RPS6KC1: variants seen among roughly 807,000 people sequenced by gnomAD.
RPS6KC1 encodes ribosomal protein S6 kinase C1, also known as inactive ribosomal protein S6 kinase delta-1.
A neutral mutation model predicts 103.8 loss-of-function variants in RPS6KC1; 54 were observed. The observed-to-expected ratio is 0.52, with a 90% CI of 0.42 to 0.65. RPS6KC1 has a LOEUF of 0.65. RPS6KC1 is among the 30% of genes least tolerant of loss of function. The pLI is 0.00. For missense variants in RPS6KC1, 1,151 were observed against 1,253.8 expected (o/e 0.92, Z 1.24); for synonymous variants, 439 against 438.7 (o/e 1.00, Z -0.01).
the RPS6KC1 span, among the ~76,000 whole-genome samples, chr1:213,707,223 T>A: frequency 6.6e-6 from 1 of 152,208 alleles, no homozygotes; most frequent in Non-Finnish European, 1.5e-5. Flanking sequence ...GTTTCCGGAC[T>A]TTTTAATGAT....
At chr1:213,687,523 C>T in the RPS6KC1 span, among the ~76,000 whole-genome samples, 1 of 152,016 alleles carries the variant, frequency 6.6e-6, no homozygotes, top group African/African-American at 2.4e-5. Flanking sequence ...TTATATTATA[C>T]AATATCATAA....
At chr1:213,290,169 GAATC>G in the RPS6KC1 span, among the ~76,000 whole-genome samples, 77 of 73,998 alleles carry the variant, frequency 1.0e-3, 1 homozygote, top group African/African-American at 3.3e-3. Context: ...AAAAAAAAAA[GAATC>G]AATCGGTCAT....
the RPS6KC1 span, among the ~76,000 whole-genome samples, chr1:213,314,141 C>G: frequency 1.3e-5 from 2 of 152,132 alleles, no homozygotes; most frequent in South Asian, 4.2e-4. Flanking sequence ...CTGCACACTC[C>G]CACCTCTGCC....
At chr1:213,354,261 C>G in the RPS6KC1 span, among the ~76,000 whole-genome samples, 1 of 152,360 alleles carries the variant, frequency 6.6e-6, no homozygotes, top group Non-Finnish European at 1.5e-5. Flanking sequence ...ACCATGAGTG[C>G]TCACTAACCT....
the RPS6KC1 span, among the ~76,000 whole-genome samples, chr1:213,671,492 T>C: frequency 0.07 from 10,713 of 152,146 alleles, 1,131 homozygotes; most frequent in African/African-American, 0.23. Context: ...ATGCATTGAA[T>C]ATTTCAAACA....
the RPS6KC1 span, among the ~76,000 whole-genome samples, chr1:213,857,874 G>A: frequency 2.0e-5 from 3 of 152,222 alleles, no homozygotes; most frequent in South Asian, 6.2e-4. Flanking sequence ...GCTCACCCAG[G>A]GACAGGCCAT....
chr1:213,112,741 A>T (rs143005205), intron 4 of RPS6KC1, among the ~76,000 whole-genome samples: 5,153 of 150,256 alleles, frequency 0.034, 121 homozygotes, highest in Middle Eastern at 0.056. Context: ...CAGTCCCCAG[A>T]GTGTGATGTT....
chr1:213,304,681 T>C, the RPS6KC1 span, among the ~76,000 whole-genome samples: 1 of 152,078 alleles, frequency 6.6e-6, no homozygotes, highest in Non-Finnish European at 1.5e-5. Context: ...TAGCTGGGAT[T>C]ACAGCATGTG....
At chr1:213,500,354 G>A in the RPS6KC1 span, among the ~76,000 whole-genome samples, 16 of 152,216 alleles carry the variant, frequency 1.1e-4, no homozygotes, top group South Asian at 1.9e-3. Context: ...CACTAACGGC[G>A]CGGCCATCTC....
the RPS6KC1 span, among the ~76,000 whole-genome samples, chr1:213,549,168 T>A: frequency 6.6e-6 from 1 of 152,168 alleles, no homozygotes; most frequent in East Asian, 1.9e-4. Context: ...TTTTTATGTC[T>A]GTGGTGCAGT....
At chr1:213,270,956 G>A (rs1384469039) in intron 14 of RPS6KC1, among the ~76,000 whole-genome samples, 3 of 152,152 alleles carry the variant, frequency 2.0e-5, no homozygotes, top group East Asian at 3.8e-4. Context: ...TAGAGAAACC[G>A]AAATCCTCAT....
intron 8 of RPS6KC1, among the ~76,000 whole-genome samples, chr1:213,183,171 A>G (rs1453665358): frequency 6.6e-6 from 1 of 152,142 alleles, no homozygotes; most frequent in East Asian, 1.9e-4. Context: ...TGTAAAATAT[A>G]TGAAGCAAAA....
At chr1:213,599,932 C>G in the RPS6KC1 span, among the ~76,000 whole-genome samples, 4 of 152,238 alleles carry the variant, frequency 2.6e-5, no homozygotes, top group Admixed American at 6.5e-5. Context: ...AATCTCACCT[C>G]GAATTGTAAT....
the RPS6KC1 span, among the ~76,000 whole-genome samples, chr1:213,798,969 A>G: frequency 6.6e-6 from 1 of 152,182 alleles, no homozygotes; most frequent in African/African-American, 2.4e-5. Context: ...GTCCCAGGGC[A>G]TTCTCTGGTC....
At position 213,130,021 on chromosome 1, in the gene RPS6KC1, G is replaced by T. The variant is rs564502062; in HGVS notation, c.835+132G>T. The T allele has an allele frequency of 1.3e-5, 11 of 869,416 alleles. No individual in the cohort carries two copies. In the South Asian group the frequency reaches 1.9e-4, roughly 15 times the overall value. The allele number at this position is 869,416 out of a possible 1,614,324, so 53.9% of individuals were successfully genotyped here. ...AATGAGAAATTACTGAAGCTTAAAAGACCTATATATGGATATATACTTTAA... is the reference window on the plus strand; with the variant it reads ...AATGAGAAATTACTGAAGCTTAAAATACCTATATATGGATATATACTTTAA... On this transcript the variant is annotated intron_variant, in intron 6 of 14. Coordinates refer to ENST00000366960, the MANE Select transcript of RPS6KC1 (RefSeq NM_012424.6).
the RPS6KC1 span, among the ~76,000 whole-genome samples, chr1:213,335,395 G>T: frequency 1.3e-5 from 2 of 152,192 alleles, no homozygotes; most frequent in African/African-American, 4.8e-5. Context: ...CAGGTAGCTG[G>T]TCCGCTATCA....
At chr1:213,645,472 G>A in the RPS6KC1 span, among the ~76,000 whole-genome samples, 1 of 152,088 alleles carries the variant, frequency 6.6e-6, no homozygotes, top group Non-Finnish European at 1.5e-5. Context: ...CGTATGTAAA[G>A]GTGTCCGAGC....
chr1:213,520,332 C>T, the RPS6KC1 span, among the ~76,000 whole-genome samples: 2 of 152,112 alleles, frequency 1.3e-5, no homozygotes, highest in African/African-American at 4.8e-5. Context: ...AAAGGGGAAA[C>T]CCCTTATAAA....
At chr1:213,848,983 C>T in the RPS6KC1 span, among the ~76,000 whole-genome samples, 61 of 152,172 alleles carry the variant, frequency 4.0e-4, no homozygotes, top group Middle Eastern at 3.4e-3. Flanking sequence ...CATGTCATTA[C>T]TGGGCTGGCC....
Sources: gnomAD v4.1 joint callset for allele counts (sites outside exome capture counted in the v4.1 genomes callset) on GRCh38, gnomAD v4.1.1 for gene constraint, MANE v1.5 for transcripts, NCBI Gene and HGNC (gene_info 2026-07-23, HGNC 2026-07-21) for gene names.